The following FHIT variants were observed in gnomAD, a reference collection of about 807,000 sequenced individuals.
FHIT encodes fragile histidine triad diadenosine triphosphatase, also known as bis(5'-adenosyl)-triphosphatase.
Under a neutral mutation model 17.9 loss-of-function variants are expected in FHIT, and 19 were observed. That is an observed-to-expected ratio of 1.06 (90% CI 0.74 to 1.56). The LOEUF (loss-of-function observed/expected upper bound fraction) is 1.56, where lower values mean the gene tolerates loss of function less well. Among genes scored for constraint, FHIT ranks in the 40% most tolerant of loss-of-function variants. FHIT has a pLI of 0.00. For missense variants in FHIT, 248 were observed against 189.2 expected (o/e 1.31, Z -1.82); for synonymous variants, 81 against 69.7 (o/e 1.16, Z -0.81).
intron 5 of FHIT, among the ~76,000 whole-genome samples, chr3:60,228,776 A>G (rs1223910656): frequency 4.6e-5 from 7 of 152,210 alleles, no homozygotes; most frequent in South Asian, 2.1e-4. Context: ...GAGAAGAGCC[A>G]CTCCTGGTCT....
intron 2 of FHIT, among the ~76,000 whole-genome samples, chr3:61,059,264 C>T (rs2034338275): frequency 6.6e-6 from 1 of 151,818 alleles, no homozygotes; most frequent in Non-Finnish European, 1.5e-5. Flanking sequence ...CCACAGCTAA[C>T]TAAAGTAATT....
chr3:60,137,482 C>T (rs186135438), intron 5 of FHIT, among the ~76,000 whole-genome samples: 3 of 152,254 alleles, frequency 2.0e-5, no homozygotes, highest in Non-Finnish European at 4.4e-5. Context: ...GTGATTCTCC[C>T]TCCAGAATAA....
intron 2 of FHIT, among the ~76,000 whole-genome samples, chr3:61,084,205 C>T (rs983959434): frequency 6.6e-6 from 1 of 152,302 alleles, no homozygotes; most frequent in African/African-American, 2.4e-5. Flanking sequence ...TCATCTTTCT[C>T]AAAATTCAAG....
At position 60,226,225 on chromosome 3, in the gene FHIT, C is replaced by T. The variant is rs552495198; in HGVS notation, c.104-212073G>A. Among the ~76,000 whole-genome samples, 6 of 152,228 alleles carry T rather than the reference C, an allele frequency of 3.9e-5. No homozygotes were observed. The East Asian group carries it at 7.7e-4, about 20-fold the overall frequency. On this transcript the variant is annotated intron_variant, in intron 5 of 9. Coordinates refer to ENST00000492590, the MANE Select transcript of FHIT (RefSeq NM_002012.4). ...CAGTGGCTCACACCTATAATCCCAGCACTTTGGGAGGCTGAGGCAGGCAGC... is the reference window on the plus strand; with the variant it reads ...CAGTGGCTCACACCTATAATCCCAGTACTTTGGGAGGCTGAGGCAGGCAGC...
At chr3:60,618,943 C>T (rs2039033860) in intron 4 of FHIT, among the ~76,000 whole-genome samples, 1 of 151,962 alleles carries the variant, frequency 6.6e-6, no homozygotes, top group African/African-American at 2.4e-5. Flanking sequence ...CAGAATCTCC[C>T]CTAAAGGCCC....
intron 8 of FHIT, among the ~76,000 whole-genome samples, chr3:59,805,119 G>A (rs1045920121): frequency 1.3e-5 from 2 of 152,076 alleles, no homozygotes; most frequent in African/African-American, 4.8e-5. Flanking sequence ...TATGGGGCAC[G>A]GAATAAGAAA....
intron 3 of FHIT, among the ~76,000 whole-genome samples, chr3:60,827,608 A>G (rs1575573808): frequency 6.6e-6 from 1 of 152,246 alleles, no homozygotes; most frequent in Non-Finnish European, 1.5e-5. Context: ...CTGAGTAAGT[A>G]CTTATAATAA....
chr3:60,123,007 T>C (rs77459161), intron 5 of FHIT, among the ~76,000 whole-genome samples: 22,935 of 152,174 alleles, frequency 0.15, 1,817 homozygotes, highest in South Asian at 0.21. Flanking sequence ...GGTATAATTG[T>C]GCAGTTTCAT....
At chr3:59,962,366 G>C (rs1196558786) in intron 7 of FHIT, among the ~76,000 whole-genome samples, 1 of 152,142 alleles carries the variant, frequency 6.6e-6, no homozygotes. Flanking sequence ...TCAAAGTTTA[G>C]TGAGAGCCAA....
At chr3:60,686,144 C>A (rs1448714483) in intron 4 of FHIT, among the ~76,000 whole-genome samples, 2 of 152,140 alleles carry the variant, frequency 1.3e-5, no homozygotes, top group Admixed American at 1.3e-4. Flanking sequence ...GATATTGTTT[C>A]ATTGTCTTCT....
chr3:61,021,985 T>C (rs577547970), intron 3 of FHIT, among the ~76,000 whole-genome samples: 1 of 151,120 alleles, frequency 6.6e-6, no homozygotes, highest in South Asian at 2.1e-4. Context: ...AGACAAGAAA[T>C]AACTAAGATC....
intron 5 of FHIT, among the ~76,000 whole-genome samples, chr3:60,170,821 T>G (rs1466352327): frequency 1.3e-5 from 2 of 152,194 alleles, no homozygotes; most frequent in African/African-American, 4.8e-5. Flanking sequence ...CTATATAATT[T>G]AATAGATAAA....
chr3:60,509,190 A>T (rs1179573832), intron 5 of FHIT, among the ~76,000 whole-genome samples: 1 of 152,132 alleles, frequency 6.6e-6, no homozygotes, highest in Non-Finnish European at 1.5e-5. Flanking sequence ...GGCGATTCCA[A>T]ATGATACCAG....
intron 4 of FHIT, among the ~76,000 whole-genome samples, chr3:60,798,752 C>CTTTTTTTTTTT (rs35159710): frequency 3.8e-5 from 4 of 105,476 alleles, no homozygotes; most frequent in Admixed American, 1.1e-4. Flanking sequence ...ACTGCAATAG[C>CTTTTTTTTTTT]TTTTTTTTTT....
intron 1 of FHIT, among the ~76,000 whole-genome samples, chr3:61,210,266 A>T (rs2039416407): frequency 6.6e-6 from 1 of 152,146 alleles, no homozygotes; most frequent in Non-Finnish European, 1.5e-5. Context: ...GACCCACTTG[A>T]GGAGGCAGTC....
intron 3 of FHIT, among the ~76,000 whole-genome samples, chr3:60,834,839 T>C (rs1553743475): frequency 6.9e-6 from 1 of 144,174 alleles, no homozygotes; most frequent in African/African-American, 2.6e-5. Flanking sequence ...CCCTCCAGCT[T>C]GGGGAACTGA....
chr3:60,948,746 A>G (rs1708745133), intron 3 of FHIT, among the ~76,000 whole-genome samples: 1 of 152,214 alleles, frequency 6.6e-6, no homozygotes, highest in Non-Finnish European at 1.5e-5. Context: ...AAATTTTTTT[A>G]AAAGAGAAAA....
intron 3 of FHIT, among the ~76,000 whole-genome samples, chr3:60,834,515 T>C (rs1702456175): frequency 6.6e-6 from 1 of 151,618 alleles, no homozygotes. Flanking sequence ...GTCAGATATG[T>C]AGTTTGCAAA....
At chr3:60,708,826 T>C (rs1219193396) in intron 4 of FHIT, among the ~76,000 whole-genome samples, 1 of 151,918 alleles carries the variant, frequency 6.6e-6, no homozygotes, top group African/African-American at 2.4e-5. Flanking sequence ...AAGAGTGATA[T>C]TGGAATGAAG....
Sources: gnomAD v4.1 joint callset for allele counts (sites outside exome capture counted in the v4.1 genomes callset) on GRCh38, gnomAD v4.1.1 for gene constraint, MANE v1.5 for transcripts, NCBI Gene and HGNC (gene_info 2026-07-23, HGNC 2026-07-21) for gene names.